The following RUNDC3B variants were observed in gnomAD, a reference collection of about 807,000 sequenced individuals.
RUNDC3B encodes the protein RUN domain containing 3B, also known as RUN domain-containing protein 3B.
RUNDC3B carries 33 observed loss-of-function variants against 58.4 expected under a neutral mutation model. That is an observed-to-expected ratio of 0.56 (90% CI 0.43 to 0.75). RUNDC3B has a LOEUF of 0.75. Ranked by LOEUF, RUNDC3B falls within the 30% of genes least tolerant of loss-of-function variation. The probability of loss-of-function intolerance (pLI) is 0.00; values close to 1 mark genes in which losing one functional copy is unlikely to be tolerated. For synonymous variants in RUNDC3B, 193 were observed against 195.2 expected (o/e 0.99, Z 0.10); for missense variants, 501 against 535.7 (o/e 0.94, Z 0.64).
chr7:87,693,892 TA>T, intron 2 of RUNDC3B: 6 of 1,604,158 alleles, frequency 3.7e-6, no homozygotes, highest in Non-Finnish European at 5.1e-6. Flanking sequence ...TTGTTGTTGT[TA>T]TTTTTTTTTT....
chr7:87,686,175 A>G (rs1827439370), intron 2 of RUNDC3B, among the ~76,000 whole-genome samples: 2 of 151,912 alleles, frequency 1.3e-5, no homozygotes, highest in Middle Eastern at 3.4e-3. Context: ...CAATTTTTCT[A>G]TTCTCTTTAC....
intron 1 of RUNDC3B, among the ~76,000 whole-genome samples, chr7:87,648,873 T>A (rs1823290344): frequency 6.6e-6 from 1 of 152,122 alleles, no homozygotes. Context: ...ACTGCCTATA[T>A]TTAAAATCTT....
At chr7:87,682,729 G>A (rs1563130272) in intron 2 of RUNDC3B, among the ~76,000 whole-genome samples, 2 of 152,308 alleles carry the variant, frequency 1.3e-5, no homozygotes, top group East Asian at 3.9e-4. Context: ...ATAGAGCTCA[G>A]GCAGAGTAGA....
chr7:87,703,940 T>TTTTTTTTAG (rs1829360784), intron 3 of RUNDC3B, among the ~76,000 whole-genome samples: 1 of 124,182 alleles, frequency 8.1e-6, no homozygotes, highest in Non-Finnish European at 1.7e-5. Flanking sequence ...TTTTTTTTTT[T>TTTTTTTTAG]GAGACAGTCT....
chr7:87,759,774 A>G (rs1833574963), intron 6 of RUNDC3B, among the ~76,000 whole-genome samples: 1 of 151,758 alleles, frequency 6.6e-6, no homozygotes, highest in East Asian at 1.9e-4. Context: ...AGCCTGGGAA[A>G]CAGAGTGAGA....
intron 1 of RUNDC3B, among the ~76,000 whole-genome samples, chr7:87,640,023 G>A (rs1822261921): frequency 6.6e-6 from 1 of 150,588 alleles, no homozygotes; most frequent in African/African-American, 2.4e-5. Context: ...TTGTGAACTT[G>A]TGAGTCATAT....
At chr7:87,722,953 T>A (rs966740313) in intron 4 of RUNDC3B, among the ~76,000 whole-genome samples, 3 of 152,198 alleles carry the variant, frequency 2.0e-5, no homozygotes, top group Admixed American at 1.3e-4. Flanking sequence ...CATCTTACAC[T>A]GCAAGCTTTT....
intron 1 of RUNDC3B, among the ~76,000 whole-genome samples, chr7:87,640,927 G>C (rs987794348): frequency 3.9e-5 from 6 of 151,926 alleles, no homozygotes; most frequent in African/African-American, 1.5e-4. Context: ...TTTTACCTAT[G>C]TACTTCATTT....
intron 1 of RUNDC3B, among the ~76,000 whole-genome samples, chr7:87,632,135 A>G (rs1821285610): frequency 6.6e-6 from 1 of 151,522 alleles, no homozygotes; most frequent in Non-Finnish European, 1.5e-5. Context: ...AGTCACCAGC[A>G]TATATCATTC....
intron 8 of RUNDC3B, among the ~76,000 whole-genome samples, chr7:87,801,745 A>G (rs982158670): frequency 6.6e-6 from 1 of 152,186 alleles, no homozygotes; most frequent in Non-Finnish European, 1.5e-5. Context: ...CTCCTGGGCG[A>G]AAGAGCAAGA....
chr7:87,749,120 T>C (rs10280904), intron 6 of RUNDC3B, among the ~76,000 whole-genome samples: 7,352 of 152,200 alleles, frequency 0.048, 262 homozygotes, highest in East Asian at 0.092. Flanking sequence ...CATCTGGAGA[T>C]AGAGTTTAGT....
At chr7:87,694,037 G>A in intron 2 of RUNDC3B, 1 of 1,573,442 alleles carries the variant, frequency 6.4e-7, no homozygotes, top group Non-Finnish European at 8.6e-7. Context: ...GGCTGTATCA[G>A]TTAAGTGATC....
At chr7:87,828,232 AT>A (rs1490318940) in intron 10 of RUNDC3B, among the ~76,000 whole-genome samples, 1 of 152,070 alleles carries the variant, frequency 6.6e-6, no homozygotes, top group Non-Finnish European at 1.5e-5. Context: ...ATCAACTTTT[AT>A]TTTAGATTCA....
intron 4 of RUNDC3B, chr7:87,713,181 G>A (rs1464032668): frequency 6.6e-6 from 1 of 152,144 alleles, no homozygotes; most frequent in Non-Finnish European, 1.5e-5. Flanking sequence ...GTTGCTTCCT[G>A]AAGTGAGTAC....
intron 2 of RUNDC3B, among the ~76,000 whole-genome samples, chr7:87,692,553 TA>T (rs1828112573): frequency 6.6e-6 from 1 of 152,218 alleles, no homozygotes; most frequent in Non-Finnish European, 1.5e-5. Flanking sequence ...AGAAGTGCCA[TA>T]AATCTGGTCA....
At chr7:87,707,490 A>G (rs1417444778) in intron 3 of RUNDC3B, among the ~76,000 whole-genome samples, 2 of 152,068 alleles carry the variant, frequency 1.3e-5, no homozygotes, top group Non-Finnish European at 2.9e-5. Flanking sequence ...TCTGGGCAAC[A>G]TGGCGAAACC....
At chr7:87,750,635 G>A (rs370785300) in intron 6 of RUNDC3B, among the ~76,000 whole-genome samples, 1 of 151,498 alleles carries the variant, frequency 6.6e-6, no homozygotes, top group African/African-American at 2.4e-5. Flanking sequence ...GCCAGTGATG[G>A]TGAGCATTTT....
intron 1 of RUNDC3B, among the ~76,000 whole-genome samples, chr7:87,643,302 C>T (rs1282659787): frequency 6.6e-6 from 1 of 151,998 alleles, no homozygotes; most frequent in Non-Finnish European, 1.5e-5. Context: ...TTTCAGGGTA[C>T]AAATTTCAGG....
intron 8 of RUNDC3B, among the ~76,000 whole-genome samples, chr7:87,785,170 A>G (rs1835141719): frequency 6.6e-6 from 1 of 151,978 alleles, no homozygotes; most frequent in Non-Finnish European, 1.5e-5. Context: ...CTGCCCCAGG[A>G]ACAGACCTAA....
Sources: allele counts gnomAD v4.1 joint callset (sites outside exome capture counted in the v4.1 genomes callset), GRCh38; gene constraint gnomAD v4.1.1; transcripts MANE v1.5; gene names NCBI Gene and HGNC (gene_info 2026-07-23, HGNC 2026-07-21).